The following NFAT5 variants were observed in gnomAD, a reference collection of about 807,000 sequenced individuals.
NFAT5 encodes nuclear factor of activated T cells 5.
Under a neutral mutation model 166.5 loss-of-function variants are expected in NFAT5, and 31 were observed. The ratio of observed to expected loss-of-function variants is 0.19; its 90% CI spans 0.14 to 0.25. NFAT5 has a LOEUF of 0.25. NFAT5 is among the 10% of genes least tolerant of loss of function. The pLI, the probability that NFAT5 is intolerant of heterozygous loss-of-function variation, is 1.00. For missense variants in NFAT5, 1,449 were observed against 1,821.8 expected, an observed-to-expected ratio of 0.80 and a Z score of 3.72; for synonymous variants, 612 against 639.7, an observed-to-expected ratio of 0.96 and a Z score of 0.65.
intron 7 of NFAT5, among the ~76,000 whole-genome samples, chr16:69,667,893 A>G (rs2036465732): frequency 6.6e-6 from 1 of 152,192 alleles, no homozygotes; most frequent in African/African-American, 2.4e-5. Flanking sequence ...TGTATGACCA[A>G]TAACCCTTTC....
chr16:69,669,892 A>G, intron 7 of NFAT5, 85 bp from the exon 8 acceptor site: 5 of 1,219,168 alleles, frequency 4.1e-6, no homozygotes, highest in South Asian at 1.7e-5. Context: ...AAGACAACTC[A>G]TAGAACCGGA....
chr16:69,694,582 G>C (rs761353476), intron 13 of NFAT5, among the ~76,000 whole-genome samples: 34 of 152,182 alleles, frequency 2.2e-4, no homozygotes, highest in Non-Finnish European at 4.0e-4. Context: ...AGTACAGATT[G>C]TAGTTAGAAC....
At chr16:69,599,488 T>G (rs2033008328) in intron 2 of NFAT5, among the ~76,000 whole-genome samples, 1 of 152,142 alleles carries the variant, frequency 6.6e-6, no homozygotes, top group African/African-American at 2.4e-5. Context: ...GGAGAATTGC[T>G]TGAACCCAGG....
intron 7 of NFAT5, 89 bp from the exon 8 acceptor site, chr16:69,669,888 A>G (rs978159986): frequency 8.7e-7 from 1 of 1,143,242 alleles, no homozygotes; most frequent in Non-Finnish European, 1.2e-6. Context: ...AATAAAGACA[A>G]CTCATAGAAC....
At chr16:69,611,934 G>C (rs187703402) in intron 2 of NFAT5, among the ~76,000 whole-genome samples, 76 of 152,288 alleles carry the variant, frequency 5.0e-4, no homozygotes, top group Admixed American at 1.2e-3. Flanking sequence ...CCCCAGCCTG[G>C]TGTACATCAG....
intron 7 of NFAT5, among the ~76,000 whole-genome samples, chr16:69,660,829 A>C (rs1169279670): frequency 6.7e-6 from 1 of 149,352 alleles, no homozygotes; most frequent in African/African-American, 2.5e-5. Flanking sequence ...TTCTTTTTTG[A>C]GATGGAGTTT....
intron 7 of NFAT5, among the ~76,000 whole-genome samples, chr16:69,661,051 C>G (rs1279348118): frequency 1.3e-5 from 2 of 148,416 alleles, no homozygotes; most frequent in Admixed American, 1.4e-4. Context: ...CTCAAATGAT[C>G]TGCCCACTCC....
chr16:69,678,057 C>A (rs951110715), intron 10 of NFAT5, among the ~76,000 whole-genome samples: 3 of 151,294 alleles, frequency 2.0e-5, no homozygotes, highest in Non-Finnish European at 4.4e-5. Flanking sequence ...ACTGGGGAGG[C>A]TGAGGAAGGA....
rs193135386 is a variant in NFAT5, at chr16:69,695,343, A to C, written c.4622A>C (p.Gln1541Pro). The part of the protein sequence containing the change: ...KIDLLVSLQN[Q>P]GNNLTGSF Reference sequence around the variant, plus strand: ...GATTTGCTTGTTTCATTGCAAAACCAAGGGAACAACTTGACTGGCTCCTTT... The same window carrying C: ...GATTTGCTTGTTTCATTGCAAAACCCAGGGAACAACTTGACTGGCTCCTTT... Residue 1541 changes from glutamine to proline, a missense_variant, in exon 14 of 15, where the codon CAA (glutamine) becomes CCA (proline). Physicochemically the swap from Gln to Pro is moderately conservative, Grantham distance 76. This residue lies in a region of NFAT5 where 891 missense variants were observed against 993.0 expected (regional missense o/e 0.90). Transcript: ENST00000349945. 10 of 1,614,044 alleles carry C rather than the reference A, an allele frequency of 6.2e-6. No individual in the cohort carries two copies. The highest frequency in any genetic ancestry group is 8.5e-6 in the Non-Finnish European group (10 of 1,179,988).
chr16:69,656,454 C>CTTT (rs201048494), intron 6 of NFAT5, among the ~76,000 whole-genome samples: 3 of 142,944 alleles, frequency 2.1e-5, no homozygotes, highest in South Asian at 4.5e-4. Flanking sequence ...GCTTTAAAAA[C>CTTT]TTTTTTTTTT....
chr16:69,633,925 TTATC>T (rs1371780866), intron 3 of NFAT5, among the ~76,000 whole-genome samples: 14 of 152,248 alleles, frequency 9.2e-5, no homozygotes, highest in Admixed American at 5.2e-4. Flanking sequence ...TATCAGAACA[TTATC>T]TACCCCATGA....
chr16:69,597,548 A>G (rs116646018), intron 2 of NFAT5, among the ~76,000 whole-genome samples: 6,554 of 149,270 alleles, frequency 0.044, 478 homozygotes, highest in African/African-American at 0.15. Context: ...GTTGAGGTTA[A>G]TTTTGCTCTA....
chr16:69,593,534 C>T (rs2032605694), intron 2 of NFAT5, among the ~76,000 whole-genome samples: 1 of 151,400 alleles, frequency 6.6e-6, no homozygotes, highest in South Asian at 2.1e-4. Flanking sequence ...AGGCGTGTCT[C>T]AAACTTCTGG....
At chr16:69,604,219 G>A (rs1370727585) in intron 2 of NFAT5, among the ~76,000 whole-genome samples, 3 of 152,236 alleles carry the variant, frequency 2.0e-5, no homozygotes, top group South Asian at 2.1e-4. Flanking sequence ...CACACACTCC[G>A]TACTTCCTAC....
chr16:69,637,638 A>G (rs1447758120), intron 3 of NFAT5, among the ~76,000 whole-genome samples: 2 of 152,186 alleles, frequency 1.3e-5, no homozygotes, highest in Non-Finnish European at 2.9e-5. Flanking sequence ...TATCTGTCAG[A>G]AGAATAGCAC....
At chr16:69,648,432 T>A in intron 4 of NFAT5, 1 of 982,876 alleles carries the variant, frequency 1.0e-6, no homozygotes, top group South Asian at 4.7e-5. Flanking sequence ...ACTAATACAT[T>A]GATTGTACAG....
intron 2 of NFAT5, among the ~76,000 whole-genome samples, chr16:69,624,266 C>T (rs535393520): frequency 1.2e-4 from 18 of 152,022 alleles, no homozygotes; most frequent in Non-Finnish European, 2.2e-4. Flanking sequence ...AGTGCAATGG[C>T]GTGATCTCGG....
chr16:69,703,763 T>C lies in NFAT5; in HGVS notation c.*7412T>C, dbSNP rs960878398. ...CTCCCTTCTTATTCCCTTTTTCTCTTCCTCACTTTATTGCATAACATATTC... is the reference window on the plus strand; with the variant it reads ...CTCCCTTCTTATTCCCTTTTTCTCTCCCTCACTTTATTGCATAACATATTC... On this transcript the variant is annotated 3_prime_UTR_variant, in exon 15 of 15. Transcript: ENST00000349945. 8 of 152,588 alleles carry C rather than the reference T, an allele frequency of 5.2e-5. No individual in the cohort carries two copies. The highest frequency in any genetic ancestry group is 1.9e-4 in the African/African-American group (8 of 41,432). The allele number at this position is 152,588 out of a possible 1,614,324, so 9.5% of individuals were successfully genotyped here.
In NFAT5 at chr16:69,692,643, G is replaced by A; in HGVS notation, c.2818G>A (p.Ala940Thr). The part of the protein sequence containing the change: ...QSELFPSTAS[A>T]NGNLQQSPVY... ...AGAGTTATTCCCTTCAACTGCTTCA[G>A]CAAATGGAAACCTTCAGCAATCGCC... Residue 940 changes from alanine (A) to threonine (T), a missense_variant, in exon 13 of 15, where the codon GCA (alanine) becomes ACA (threonine). Around this residue, in one of 7 missense-constraint regions of NFAT5, gnomAD observed 891 missense variants for 993.0 expected, o/e 0.90. Coordinates refer to ENST00000349945, the MANE Select transcript of NFAT5 (RefSeq NM_138713.4). 6.2e-7 allele frequency: 1 copy of A among 1,614,200 alleles called. No homozygotes were observed.
Sources: allele counts gnomAD v4.1 joint callset (sites outside exome capture counted in the v4.1 genomes callset), GRCh38; gene constraint gnomAD v4.1.1; regional missense constraint gnomAD v4.1.1; transcripts MANE v1.5; gene names NCBI Gene and HGNC (gene_info 2026-07-23, HGNC 2026-07-21).